ZNF385D: variants seen among roughly 807,000 people sequenced by gnomAD.
ZNF385D encodes zinc finger protein 659.
A neutral mutation model predicts 35.8 loss-of-function variants in ZNF385D; 15 were observed. The ratio of observed to expected loss-of-function variants is 0.42; its 90% CI spans 0.28 to 0.64. ZNF385D has a LOEUF of 0.64. ZNF385D is among the 30% of genes least tolerant of loss of function. The probability of loss-of-function intolerance (pLI) is 0.23; values close to 1 mark genes in which losing one functional copy is unlikely to be tolerated. For synonymous variants in ZNF385D, 212 were observed against 186.8 expected, an observed-to-expected ratio of 1.13 and a Z score of -1.10; for missense variants, 474 against 494.6, an observed-to-expected ratio of 0.96 and a Z score of 0.39.
intron 3 of ZNF385D, among the ~76,000 whole-genome samples, chr3:21,770,222 C>T (rs1392861185): frequency 1.3e-5 from 2 of 151,954 alleles, no homozygotes; most frequent in Admixed American, 1.3e-4. Context: ...GCAACAAAAG[C>T]CAAAAATTGA....
At chr3:21,820,930 T>G (rs2073368734) in intron 3 of ZNF385D, among the ~76,000 whole-genome samples, 1 of 149,570 alleles carries the variant, frequency 6.7e-6, no homozygotes, top group South Asian at 2.1e-4. Flanking sequence ...CAAAAAGAAA[T>G]TTGAAACTTC....
Position 22,133,473 on chromosome 3 carries a change from T to C in ZNF385D, c.325+35344A>G. The C allele has an allele frequency of 1.3e-5, 2 of 152,004 alleles. 1 individual carries two copies. 9.4% of individuals were successfully genotyped at this position (152,004 alleles called of 1,614,324 possible). On this transcript the variant is annotated intron_variant, in intron 3 of 5. Transcript: ENST00000494108. ...AACAGACATATCAAAAAAACTGCTA[T>C]AATTGTATGCTAGAATACAGCATTA...
intron 6 of ZNF385D, 85 bp from the exon 7 acceptor site, chr3:21,424,149 TATTC>T: frequency 2.4e-6 from 3 of 1,224,490 alleles, no homozygotes; most frequent in South Asian, 3.0e-5. Context: ...TGGAGAAAGA[TATTC>T]ATTATTTCAT....
At chr3:22,156,091 G>C (rs1705562880) in intron 3 of ZNF385D, among the ~76,000 whole-genome samples, 1 of 151,970 alleles carries the variant, frequency 6.6e-6, no homozygotes, top group Admixed American at 6.6e-5. Context: ...AAGAATAAAG[G>C]AGACATAATA....
chr3:21,945,779 A>G (rs1482247817), intron 3 of ZNF385D, among the ~76,000 whole-genome samples: 1 of 152,224 alleles, frequency 6.6e-6, no homozygotes, highest in Admixed American at 6.5e-5. Flanking sequence ...AAATGTCTTA[A>G]AGAAAAATTG....
chr3:22,199,490 C>T (rs1696640023), intron 2 of ZNF385D, among the ~76,000 whole-genome samples: 1 of 152,020 alleles, frequency 6.6e-6, no homozygotes. Flanking sequence ...TTTCACTTGG[C>T]AGCTTCCATA....
At chr3:22,152,813 T>A (rs1368878888) in intron 3 of ZNF385D, among the ~76,000 whole-genome samples, 1 of 152,130 alleles carries the variant, frequency 6.6e-6, no homozygotes, top group East Asian at 1.9e-4. Flanking sequence ...GTATACATCT[T>A]TTGGGGAGTA....
At chr3:22,017,073 T>C (rs1009230748) in intron 3 of ZNF385D, among the ~76,000 whole-genome samples, 2 of 152,058 alleles carry the variant, frequency 1.3e-5, no homozygotes. Context: ...GTTATAAACA[T>C]AAAAAGAGTA....
chr3:22,356,611 C>T (rs1696161045), intron 2 of ZNF385D, among the ~76,000 whole-genome samples: 1 of 151,898 alleles, frequency 6.6e-6, no homozygotes, highest in Non-Finnish European at 1.5e-5. Context: ...GATGTGGTTG[C>T]AAGTACTGTA....
At chr3:21,551,834 A>C (rs1205003142) in intron 3 of ZNF385D, among the ~76,000 whole-genome samples, 1 of 152,178 alleles carries the variant, frequency 6.6e-6, no homozygotes, top group Non-Finnish European at 1.5e-5. Context: ...AGTTATCTGC[A>C]GGGCCAAAAA....
At position 22,342,060 on chromosome 3, in the gene ZNF385D, G is replaced by C. The variant is rs548193167; in HGVS notation, c.106+30390C>G. Among the ~76,000 whole-genome samples the C allele has an allele frequency of 2.6e-5, 4 of 152,096 alleles. No individual in the cohort carries two copies. In the East Asian group the frequency reaches 7.8e-4, roughly 30 times the overall value. ...GGAGGCCAAGGCAGGCAGATCACGAGGTCAGGAAATCGAGACCATCCTGGC... is the reference window on the plus strand; with the variant it reads ...GGAGGCCAAGGCAGGCAGATCACGACGTCAGGAAATCGAGACCATCCTGGC... On this transcript the variant is annotated intron_variant, in intron 2 of 5. Coordinates refer to the ZNF385D transcript ENST00000494108.
At chr3:21,660,461 G>A (rs1405460610) in intron 2 of ZNF385D, among the ~76,000 whole-genome samples, 1 of 152,074 alleles carries the variant, frequency 6.6e-6, no homozygotes, top group Non-Finnish European at 1.5e-5. Context: ...AGAGCCATGG[G>A]GACGGGGGCA....
At chr3:21,496,877 C>G (rs1221383635) in intron 4 of ZNF385D, among the ~76,000 whole-genome samples, 3 of 152,018 alleles carry the variant, frequency 2.0e-5, no homozygotes, top group African/African-American at 7.2e-5. Context: ...TCTCAACAAA[C>G]TAAGCATTAA....
chr3:22,355,621 C>G (rs1696115483), intron 2 of ZNF385D, among the ~76,000 whole-genome samples: 1 of 151,474 alleles, frequency 6.6e-6, no homozygotes, highest in Non-Finnish European at 1.5e-5. Context: ...AAGAAGCTGG[C>G]CAATGTTAGC....
chr3:22,183,367 T>A (rs950410568), intron 2 of ZNF385D, among the ~76,000 whole-genome samples: 8 of 152,142 alleles, frequency 5.3e-5, no homozygotes, highest in South Asian at 4.1e-4. Context: ...TTTTTTTAAT[T>A]TGAGATGGAG....
intron 3 of ZNF385D, among the ~76,000 whole-genome samples, chr3:21,910,281 T>C (rs1251043265): frequency 6.6e-6 from 1 of 151,984 alleles, no homozygotes; most frequent in African/African-American, 2.4e-5. Context: ...GTGTTCATTA[T>C]ATAGGTTGCA....
At position 21,539,661 on chromosome 3, in the gene ZNF385D, G is replaced by C. The variant is rs1309720769; in HGVS notation, c.276+24913C>G. On this transcript the variant is annotated intron_variant, in intron 3 of 7. Transcript: ENST00000281523. This position sits in a 1 kb window ranked among gnomAD's most constrained non-coding sequence, Gnocchi z 4.0. ...AGAAAGAGAAAAATAGTTTCTTTATGGAATACACAAAGAATATATTAAATG... is the reference window on the plus strand; with the variant it reads ...AGAAAGAGAAAAATAGTTTCTTTATCGAATACACAAAGAATATATTAAATG... 1.3e-5 allele frequency among the ~76,000 whole-genome samples: 2 copies of C among 151,756 alleles called. No individual in the cohort carries two copies. The highest frequency in any genetic ancestry group is 3.9e-4 in the East Asian group (2 of 5,164).
At chr3:22,082,987 T>G (rs1485657303) in intron 3 of ZNF385D, among the ~76,000 whole-genome samples, 1 of 152,194 alleles carries the variant, frequency 6.6e-6, no homozygotes, top group African/African-American at 2.4e-5. Flanking sequence ...CTGAGGATGC[T>G]GACTGTTAGA....
intron 3 of ZNF385D, among the ~76,000 whole-genome samples, chr3:22,150,103 A>G (rs779039222): frequency 4.6e-5 from 7 of 152,238 alleles, no homozygotes; most frequent in Non-Finnish European, 5.9e-5. Context: ...GCTTTTCCCA[A>G]GAATCTCATT....
Sources: gnomAD v4.1 joint callset for allele counts (sites outside exome capture counted in the v4.1 genomes callset) on GRCh38, gnomAD v4.1.1 for gene constraint, Gnocchi (gnomAD v3.1) non-coding constraint, MANE v1.5 for transcripts, NCBI Gene and HGNC (gene_info 2026-07-23, HGNC 2026-07-21) for gene names.